FAT2: variants seen among roughly 807,000 people sequenced by gnomAD.
FAT2 encodes protocadherin Fat 2.
In FAT2, 150 loss-of-function variants were observed where a neutral mutation model predicts 295.3. That is an observed-to-expected ratio of 0.51 (90% CI 0.44 to 0.58). The LOEUF is 0.58. Ranked by LOEUF, FAT2 falls within the 20% of genes least tolerant of loss-of-function variation. The pLI is 0.00. For missense variants in FAT2, 4,868 were observed against 5,442.7 expected, an observed-to-expected ratio of 0.89 and a Z score of 3.32; for synonymous variants, 2,026 against 2,150.3, an observed-to-expected ratio of 0.94 and a Z score of 1.60.
intron 1 of FAT2, among the ~76,000 whole-genome samples, chr5:151,571,507 G>A (rs1034467062): frequency 2.6e-5 from 4 of 152,226 alleles, no homozygotes; most frequent in African/African-American, 9.6e-5. Flanking sequence ...CAATGCAGGC[G>A]CCGTTAAGAT....
At chr5:151,537,179 A>G (rs560805992) in intron 12 of FAT2, among the ~76,000 whole-genome samples, 1 of 151,604 alleles carries the variant, frequency 6.6e-6, no homozygotes, top group Admixed American at 6.6e-5. Flanking sequence ...AAATACAGAA[A>G]GAAAGAAGAG....
chr5:151,538,036 G>T, intron 11 of FAT2, 90 bp from the exon 12 acceptor site: 1 of 1,188,082 alleles, frequency 8.4e-7, no homozygotes, highest in Non-Finnish European at 1.2e-6. Context: ...GGAGGCAGAA[G>T]CAGAAAGAGA....
intron 9 of FAT2, 79 bp downstream of exon 9, chr5:151,549,216 C>T (rs965639958): frequency 4.3e-5 from 59 of 1,377,332 alleles, no homozygotes; most frequent in African/African-American, 2.3e-4. Flanking sequence ...GATTAATTTG[C>T]GAATTCATGC....
intron 8 of FAT2, 43 bp downstream of exon 8, chr5:151,550,547 C>G (rs770640704): frequency 6.2e-7 from 1 of 1,602,518 alleles, no homozygotes; most frequent in Admixed American, 1.7e-5. Context: ...CCCTACACAT[C>G]TACATGCAAA....
chr5:151,512,401 T>C lies in FAT2; in HGVS notation c.11669A>G (p.His3890Arg). 1 of 1,614,120 alleles carries C rather than the reference T, an allele frequency of 6.2e-7. No homozygotes were observed. The highest frequency in any genetic ancestry group is 8.5e-7 in the Non-Finnish European group (1 of 1,180,004). Reference protein sequence around the residue: ...ENCRGLRPERHLLLGGLILLH... With the variant: ...ENCRGLRPERRLLLGGLILLH... ...CAGAATGAGGCCGCCCAGCAAGAGG[T>C]GCCTTTCGGGCCTCAGACCACGGCA... The change falls in exon 21 of 24, where the codon CAC becomes CGC. Residue 3890 changes from histidine (H) to arginine (R), a missense_variant. Coordinates refer to ENST00000261800, the MANE Select transcript of FAT2 (RefSeq NM_001447.3). The surrounding 1 kb of genome is among the most constrained non-coding windows in gnomAD (Gnocchi z 4.1).
At chr5:151,537,972 G>T in intron 11 of FAT2, 26 bp from the exon 12 acceptor site, 1 of 1,608,944 alleles carries the variant, frequency 6.2e-7, no homozygotes. Context: ...CAAAGAAGAG[G>T]GAGACTGTGG....
In FAT2 at chr5:151,553,166, C is replaced by G. The variant is rs753371761; in HGVS notation, c.4156+11G>C. On this transcript the variant is annotated intron_variant, in intron 6 of 23. Transcript: ENST00000261800. ...GGGTTGGCCCTTGTTGGGCCCTAGG[C>G]CTTGCCTCACCTGAGATGTTGAACC... is the stretch of plus-strand genomic sequence containing the variant. The G allele has an allele frequency of 6.2e-7, 1 of 1,614,062 alleles. No homozygotes were observed. Among genetic ancestry groups the G allele is most frequent in the Non-Finnish European group, 8.5e-7 (1 of 1,179,896 alleles).
Position 151,512,866 on chromosome 5 carries a change from G to A in FAT2, c.11464-260C>T, listed in dbSNP as rs577692335. On this transcript the variant is annotated intron_variant, in intron 20 of 23. Coordinates refer to ENST00000261800, the MANE Select transcript of FAT2 (RefSeq NM_001447.3). This position sits in a 1 kb window ranked among gnomAD's most constrained non-coding sequence, Gnocchi z 4.1. ...ATTCACAGATGAGGAAACTGAGGCC[G>A]AGAGATGCTTTGCTGATCAAGACCC... 1.2e-4 allele frequency: 60 copies of A among 511,498 alleles called. No homozygotes were observed. The highest frequency in any genetic ancestry group is 1.9e-4 in the Non-Finnish European group (54 of 284,540). 31.7% of individuals were successfully genotyped at this position (511,498 alleles called of 1,614,324 possible).
In FAT2 at chr5:151,551,109, ATGT is replaced by A. The variant is rs113252871; in HGVS notation, c.4297-241_4297-239del. On this transcript the variant is annotated intron_variant, in intron 7 of 23. Coordinates refer to ENST00000261800, the MANE Select transcript of FAT2 (RefSeq NM_001447.3). The stretch of plus-strand genomic sequence containing the variant: ...TGGAAGGGCCTTTCCATCAAGTGAA[ATGT>A]TGTGTGAAATCCAAATGTAAGAAAC... Among the ~76,000 whole-genome samples, 707 of 152,338 alleles carry A rather than the reference ATGT, an allele frequency of 4.6e-3. 9 individuals are homozygous for A. Among genetic ancestry groups the A allele is most frequent in the African/African-American group, 0.016 (684 of 41,576 alleles).
intron 1 of FAT2, among the ~76,000 whole-genome samples, chr5:151,570,853 A>T (rs1328478183): frequency 6.6e-6 from 1 of 152,198 alleles, no homozygotes; most frequent in African/African-American, 2.4e-5. Context: ...GTCCTGTGTG[A>T]ACTGGGCACA....
In FAT2 at chr5:151,568,844, C is replaced by T. The variant is rs765790212; in HGVS notation, c.88G>A (p.Ala30Thr). ...KPLEGILSSS[A>T]WHFTHSHYNA... is the part of the protein sequence containing the mutation. ...TAATGGGAGTGTGTGAAGTGCCAAG[C>T]AGAGGAGGAGAGAATCCCTTCTAGA... The change falls in exon 2 of 24, where the codon GCT becomes ACT. Residue 30 changes from alanine to threonine, a missense_variant. By Grantham distance (58) the Ala-to-Thr change is moderately conservative. Transcript: ENST00000261800. 16 of 1,613,848 alleles carry T rather than the reference C, an allele frequency of 9.9e-6. No homozygotes were observed. In the South Asian group the frequency reaches 1.6e-4, roughly 17 times the overall value.
chr5:151,504,430 A>C lies in FAT2; in HGVS notation c.*1135T>G, dbSNP rs928079869. The C allele has an allele frequency of 1.3e-5, 2 of 152,676 alleles. No individual in the cohort carries two copies. The highest frequency in any genetic ancestry group is 2.9e-5 in the Non-Finnish European group (2 of 68,054). The allele number at this position is 152,676 out of a possible 1,614,324, so 9.5% of individuals were successfully genotyped here. On this transcript the variant is annotated 3_prime_UTR_variant, in exon 24 of 24. Transcript: ENST00000261800. ...CTCTACACATGTGTACACACGTACT[A>C]TCCATGGGCACCCACATGTGTAGAC...
At chr5:151,582,545 T>C (rs1759001875) in intron 1 of FAT2, among the ~76,000 whole-genome samples, 1 of 152,082 alleles carries the variant, frequency 6.6e-6, no homozygotes, top group Non-Finnish European at 1.5e-5. Flanking sequence ...CCTGGGTGAT[T>C]TTGGTGTGAC....
Position 151,540,224 on chromosome 5 carries a change from G to A in FAT2, c.9039+343C>T, listed in dbSNP as rs995977623. Among the ~76,000 whole-genome samples the A allele has an allele frequency of 3.9e-5, 6 of 152,290 alleles. No homozygotes were observed. The East Asian group carries it at 5.8e-4, about 15-fold the overall frequency. The stretch of plus-strand genomic sequence containing the variant: ...TGAACAGCTTGGTATATCCCTATGG[G>A]GGCCAAGGAATTACCTAGAATGGTC... On this transcript the variant is annotated intron_variant, in intron 11 of 23. Transcript: ENST00000261800.
rs183876372 is a variant in FAT2 at position 151,579,182 on chromosome 5, T to C, written c.-20-10231A>G. Among the ~76,000 whole-genome samples the C allele has an allele frequency of 3.3e-5, 5 of 152,344 alleles. No individual in the cohort carries two copies. The East Asian group carries it at 9.6e-4, about 29-fold the overall frequency. On this transcript the variant is annotated intron_variant, in intron 1 of 23. Transcript: ENST00000261800. ...AAGGCAAGTAAGTTCAAGAGATCTA[T>C]TGTACAACATGGTAACTATAATTAA...
At chr5:151,517,571 C>A (rs1752997364) in intron 20 of FAT2, 49 bp downstream of exon 20, 1 of 1,610,162 alleles carries the variant, frequency 6.2e-7, no homozygotes, top group Admixed American at 1.7e-5. Flanking sequence ...CCCCTACCTC[C>A]CCAGCCTGGG....
chr5:151,567,573 G>A lies in FAT2; in HGVS notation c.1359C>T (p.Asn453=). Residue 453 remains asparagine (N), a synonymous_variant, in exon 2 of 24, where the codon AAC becomes AAT. Coordinates refer to ENST00000261800, the MANE Select transcript of FAT2 (RefSeq NM_001447.3). ...VVVIDIVDCN[N]HAPLFNRSSY... The stretch of plus-strand genomic sequence containing the variant: ...AAGACCTGTTGAAGAGGGGGGCATG[G>A]TTGTTGCAGTCCACAATGTCAATGA... The A allele has an allele frequency of 1.2e-6, 2 of 1,614,166 alleles. No individual in the cohort carries two copies. Among genetic ancestry groups the A allele is most frequent in the Non-Finnish European group, 1.7e-6 (2 of 1,180,026 alleles).
intron 12 of FAT2, among the ~76,000 whole-genome samples, chr5:151,534,970 A>ATATAT (rs1755078921): frequency 2.1e-4 from 22 of 106,390 alleles, no homozygotes; most frequent in Non-Finnish European, 4.3e-4. Context: ...CTTCTAGGAA[A>ATATAT]ATATATATAT....
chr5:151,582,324 A>C (rs941587394), intron 1 of FAT2, among the ~76,000 whole-genome samples: 1 of 152,240 alleles, frequency 6.6e-6, no homozygotes, highest in African/African-American at 2.4e-5. Flanking sequence ...CCCAGCCATC[A>C]GCAGACACAA....
Sources: allele counts gnomAD v4.1 joint callset (sites outside exome capture counted in the v4.1 genomes callset), GRCh38; gene constraint gnomAD v4.1.1; non-coding constraint Gnocchi (gnomAD v3.1); transcripts MANE v1.5; gene names NCBI Gene and HGNC (gene_info 2026-07-23, HGNC 2026-07-21).